The following EPAS1 variants were observed in gnomAD, a reference collection of about 807,000 sequenced individuals.
EPAS1 encodes endothelial PAS domain protein 1.
In EPAS1, 23 loss-of-function variants were observed where a neutral mutation model predicts 87.9. The observed-to-expected ratio is 0.26, with a 90% CI of 0.19 to 0.37. The LOEUF (loss-of-function observed/expected upper bound fraction) is 0.37. Ranked by LOEUF, EPAS1 falls within the 10% of genes least tolerant of loss-of-function variation. The pLI is 1.00. For synonymous variants in EPAS1, 508 were observed against 444.3 expected (o/e 1.14, Z -1.80); for missense variants, 1,138 against 1,120.7 (o/e 1.02, Z -0.22).
intron 15 of EPAS1, 83 bp from the exon 16 acceptor site, chr2:46,384,426 G>A: frequency 1.9e-6 from 3 of 1,587,580 alleles, no homozygotes; most frequent in Admixed American, 1.7e-5. Context: ...TGCTCTATTG[G>A]TATCCCCCAG....
chr2:46,367,114 C>G (rs1229394223), intron 6 of EPAS1, among the ~76,000 whole-genome samples: 1 of 152,216 alleles, frequency 6.6e-6, no homozygotes, highest in Non-Finnish European at 1.5e-5. Context: ...TCTGGCAGTT[C>G]TGAAATCTAG....
chr2:46,306,579 C>T (rs1683112350), intron 1 of EPAS1, among the ~76,000 whole-genome samples: 1 of 152,178 alleles, frequency 6.6e-6, no homozygotes, highest in Non-Finnish European at 1.5e-5. Flanking sequence ...TTATGACTTC[C>T]TGTTACTGAA....
At chr2:46,356,128 G>GTCCC in intron 2 of EPAS1, 23 bp from the exon 3 acceptor site, 1 of 1,432,144 alleles carries the variant, frequency 7.0e-7, no homozygotes, top group Non-Finnish European at 9.5e-7. Context: ...CATGCAAGCT[G>GTCCC]TCCCACCCCC....
intron 15 of EPAS1, among the ~76,000 whole-genome samples, chr2:46,382,889 G>C (rs1161232363): frequency 6.6e-6 from 1 of 152,216 alleles, no homozygotes; most frequent in African/African-American, 2.4e-5. Context: ...GCCCAAAGAG[G>C]ACTGAACACT....
At chr2:46,315,251 A>G (rs1469626581) in intron 1 of EPAS1, among the ~76,000 whole-genome samples, 1 of 152,162 alleles carries the variant, frequency 6.6e-6, no homozygotes, top group African/African-American at 2.4e-5. Context: ...ACTCTGAGAC[A>G]GTGAGAACGG....
rs1441101825 is a variant in EPAS1, at chr2:46,385,200, T to C, written c.*540T>C. ...GTAAATTTCAGGGTTTTTTTTTTTTTGTTTAAGCTGACTCTTTGCTCTAAT... is the reference window on the plus strand; with the variant it reads ...GTAAATTTCAGGGTTTTTTTTTTTTCGTTTAAGCTGACTCTTTGCTCTAAT... On this transcript the variant is annotated 3_prime_UTR_variant, in exon 16 of 16. Coordinates refer to ENST00000263734, the MANE Select transcript of EPAS1 (RefSeq NM_001430.5). 6.8e-6 allele frequency: 1 copy of C among 146,968 alleles called. No individual in the cohort carries two copies. The highest frequency in any genetic ancestry group is 6.6e-5 in the Admixed American group (1 of 15,042). The allele number at this position is 146,968 out of a possible 1,614,324, so 9.1% of individuals were successfully genotyped here.
chr2:46,298,041 C>A (rs1009469345), intron 1 of EPAS1, 104 bp downstream of exon 1: 101 of 1,417,900 alleles, frequency 7.1e-5, no homozygotes, highest in Middle Eastern at 4.5e-4. Context: ...GCTGAGAGGT[C>A]TTCGGAGCTC....
chr2:46,329,581 T>G (rs910421053), intron 1 of EPAS1, among the ~76,000 whole-genome samples: 2 of 152,028 alleles, frequency 1.3e-5, no homozygotes, highest in Non-Finnish European at 2.9e-5. Flanking sequence ...CCCAGCACTT[T>G]AGGAGGCCGA....
rs1482817261 is a variant in EPAS1 at position 46,380,448 on chromosome 2, G to A, written c.1776G>A (p.Leu592=). 6.2e-7 allele frequency: 1 copy of A among 1,614,170 alleles called. No individual in the cohort carries two copies. Among genetic ancestry groups the A allele is most frequent in the Non-Finnish European group, 8.5e-7 (1 of 1,180,038 alleles). The change falls in exon 12 of 16, where the codon CTG becomes CTA. Residue 592 remains leucine, a synonymous_variant. Transcript: ENST00000263734. The surrounding 1 kb of genome is among the most constrained non-coding windows in gnomAD (Gnocchi z 4.4). ...PFLLDKFQQQ[L]ESKKTEPEHR... ...TCCTGGACAAGTTTCAGCAGCAGCT[G>A]GAGAGCAAGAAGACAGAGCCCGAGC... is the stretch of plus-strand genomic sequence containing the variant.
chr2:46,380,604 A>G lies in EPAS1; in HGVS notation c.1932A>G (p.Pro644=). The change falls in exon 12 of 16, where the codon CCA becomes CCG. Residue 644 remains proline (P), a synonymous_variant. Coordinates refer to ENST00000263734, the MANE Select transcript of EPAS1 (RefSeq NM_001430.5). This position sits in a 1 kb window ranked among gnomAD's most constrained non-coding sequence, Gnocchi z 4.4. ...ATACCCAGTGGCCCCCAGATCCACC[A>G]TTACATTTTGGGCCCACAAAGTGGG... ...RSNTQWPPDP[P]LHFGPTKWAV... 6.2e-7 allele frequency: 1 copy of G among 1,613,970 alleles called. No individual in the cohort carries two copies. The highest frequency in any genetic ancestry group is 8.5e-7 in the Non-Finnish European group (1 of 1,179,974).
At chr2:46,355,923 A>G (rs577888479) in intron 2 of EPAS1, among the ~76,000 whole-genome samples, 17 of 152,354 alleles carry the variant, frequency 1.1e-4, no homozygotes, top group African/African-American at 3.6e-4. Flanking sequence ...TGCCAGAAGT[A>G]CTGTTGTCAC....
At chr2:46,343,838 C>T (rs891387717) in intron 1 of EPAS1, among the ~76,000 whole-genome samples, 2 of 152,256 alleles carry the variant, frequency 1.3e-5, no homozygotes, top group Admixed American at 6.5e-5. Flanking sequence ...AGCTCTGCCA[C>T]TGATTAGCTG....
chr2:46,334,254 A>G (rs1401002130), intron 1 of EPAS1, among the ~76,000 whole-genome samples: 3 of 152,162 alleles, frequency 2.0e-5, no homozygotes, highest in East Asian at 1.9e-4. Flanking sequence ...AGGCTAGGCA[A>G]TTATCCGGGC....
rs113893522 is a variant in EPAS1, at chr2:46,380,973, C to T, written c.2045+256C>T. On this transcript the variant is annotated intron_variant, in intron 12 of 15. Coordinates refer to ENST00000263734, the MANE Select transcript of EPAS1 (RefSeq NM_001430.5). This position sits in a 1 kb window ranked among gnomAD's most constrained non-coding sequence, Gnocchi z 4.4. ...GAGAGCCCTGTACCTCAGTGTCTCC[C>T]TTCGGACCACCACCAGAGTGCCTTT... 2.7e-3 allele frequency among the ~76,000 whole-genome samples: 414 copies of T among 152,272 alleles called. 2 individuals carry two copies. Among genetic ancestry groups the T allele is most frequent in the Middle Eastern group, 0.017 (5 of 294 alleles).
chr2:46,367,212 A>G (rs1684521440), intron 6 of EPAS1, among the ~76,000 whole-genome samples: 1 of 152,254 alleles, frequency 6.6e-6, no homozygotes, highest in Admixed American at 6.5e-5. Context: ...TATGAGGCAG[A>G]TTATAATAAA....
chr2:46,379,033 C>A (rs1273835460), intron 11 of EPAS1, among the ~76,000 whole-genome samples: 1 of 152,190 alleles, frequency 6.6e-6, no homozygotes, highest in Non-Finnish European at 1.5e-5. Context: ...GAAATGATAC[C>A]ACTGCACCTT....
intron 6 of EPAS1, among the ~76,000 whole-genome samples, chr2:46,367,643 C>A (rs982508400): frequency 6.6e-6 from 1 of 152,200 alleles, no homozygotes; most frequent in African/African-American, 2.4e-5. Context: ...GGCCAAGCGA[C>A]GGGACAGATC....
At chr2:46,372,561 G>A (rs552546098) in intron 7 of EPAS1, among the ~76,000 whole-genome samples, 7 of 152,370 alleles carry the variant, frequency 4.6e-5, no homozygotes, top group Non-Finnish European at 7.3e-5. Flanking sequence ...TACTCTGGGC[G>A]TGAGGTTAGG....
chr2:46,377,748 C>T, intron 9 of EPAS1, 146 bp from the exon 10 acceptor site: 1 of 1,331,482 alleles, frequency 7.5e-7, no homozygotes, highest in South Asian at 1.3e-5. Context: ...TGTGTTCCAG[C>T]TGAGCCCCAG....
Sources: allele counts gnomAD v4.1 joint callset (sites outside exome capture counted in the v4.1 genomes callset), GRCh38; gene constraint gnomAD v4.1.1; non-coding constraint Gnocchi (gnomAD v3.1); transcripts MANE v1.5; gene names NCBI Gene and HGNC (gene_info 2026-07-23, HGNC 2026-07-21).